GRIP1: variants seen among roughly 807,000 people sequenced by gnomAD.
GRIP1 encodes glutamate receptor interacting protein 1.
GRIP1 carries 45 observed loss-of-function variants against 129.9 expected under a neutral mutation model. The ratio of observed to expected loss-of-function variants is 0.35; its 90% CI spans 0.27 to 0.44. GRIP1 has a LOEUF of 0.44. GRIP1 is among the 20% of genes least tolerant of loss of function. The pLI is 1.00. For missense variants in GRIP1, 1,196 were observed against 1,396.8 expected (o/e 0.86, Z 2.29); for synonymous variants, 530 against 520.8 (o/e 1.02, Z -0.24).
At chr12:67,051,041 G>C (rs548157698) in intron 1 of GRIP1, among the ~76,000 whole-genome samples, 1 of 152,134 alleles carries the variant, frequency 6.6e-6, no homozygotes, top group Non-Finnish European at 1.5e-5. Context: ...AAAGAACAAC[G>C]GAGGAGAGAC....
Position 66,874,688 on chromosome 12 carries a change from A to T in GRIP1, c.58+194362T>A, listed in dbSNP as rs180861943. On this transcript the variant is annotated intron_variant, in intron 1 of 1. Transcript: ENST00000643019. ...GTGCTACACATTTTTAAACAACCAG[A>T]TGTTGTGATAATTCACTCACTCACT... is the stretch of plus-strand genomic sequence containing the variant. Among the ~76,000 whole-genome samples, 101 of 152,062 alleles carry T rather than the reference A, an allele frequency of 6.6e-4. 2 individuals carry two copies. Among genetic ancestry groups the T allele is most frequent in the African/African-American group, 2.2e-3 (91 of 41,490 alleles).
At chr12:66,878,879 GAAC>G (rs1332626843) in intron 1 of GRIP1, among the ~76,000 whole-genome samples, 1 of 151,960 alleles carries the variant, frequency 6.6e-6, no homozygotes, top group Non-Finnish European at 1.5e-5. Context: ...GGTAACATTG[GAAC>G]AACAGCTTGT....
chr12:66,915,714 T>C (rs1249519313), intron 1 of GRIP1, among the ~76,000 whole-genome samples: 2 of 152,250 alleles, frequency 1.3e-5, no homozygotes, highest in Admixed American at 1.3e-4. Flanking sequence ...GCAATGAACT[T>C]GTGAGGCCTC....
At chr12:67,037,528 T>C (rs1274978978) in intron 1 of GRIP1, 1 of 152,082 alleles carries the variant, frequency 6.6e-6, no homozygotes, top group African/African-American at 2.4e-5. Context: ...CTTTTAGATT[T>C]TGAATAAATA....
At chr12:67,019,407 A>G (rs12369132) in intron 1 of GRIP1, among the ~76,000 whole-genome samples, 18,730 of 152,214 alleles carry the variant, frequency 0.12, 1,229 homozygotes, top group African/African-American at 0.15. Context: ...GCTGGCCCTG[A>G]CTGCACAGAA....
At chr12:66,529,632 G>A (rs777022665) in intron 5 of GRIP1, among the ~76,000 whole-genome samples, 199 bp downstream of exon 5, 4 of 152,128 alleles carry the variant, frequency 2.6e-5, no homozygotes, top group African/African-American at 7.2e-5. Flanking sequence ...TTCAGGACTC[G>A]GGGAAAGGGG....
chr12:66,498,215 A>G (rs1020290361), intron 7 of GRIP1, among the ~76,000 whole-genome samples: 2 of 152,194 alleles, frequency 1.3e-5, no homozygotes, highest in African/African-American at 2.4e-5. Context: ...CTCTTCACAC[A>G]GACGCGCATG....
At chr12:66,548,000 T>A (rs1433179391) in intron 2 of GRIP1, among the ~76,000 whole-genome samples, 3 of 152,296 alleles carry the variant, frequency 2.0e-5, no homozygotes, top group East Asian at 3.9e-4. Flanking sequence ...TTTAATTTTT[T>A]AAAAAATGTC....
intron 1 of GRIP1, among the ~76,000 whole-genome samples, chr12:66,782,123 G>T (rs1272552252): frequency 6.6e-6 from 1 of 152,070 alleles, no homozygotes; most frequent in Non-Finnish European, 1.5e-5. Flanking sequence ...TCTGGATGCT[G>T]GTACATGGTT....
chr12:66,838,797 C>T (rs1470739656), intron 1 of GRIP1, among the ~76,000 whole-genome samples: 1 of 152,062 alleles, frequency 6.6e-6, no homozygotes, highest in African/African-American at 2.4e-5. Context: ...GAAAAGCCCA[C>T]CAAGTAAGAA....
At chr12:66,839,261 T>C (rs761450678) in intron 1 of GRIP1, among the ~76,000 whole-genome samples, 2 of 152,038 alleles carry the variant, frequency 1.3e-5, no homozygotes, top group African/African-American at 2.4e-5. Flanking sequence ...CAAGCAAAAT[T>C]GCCCAATCAG....
chr12:66,349,615 A>C (rs865847927), intron 24 of GRIP1, among the ~76,000 whole-genome samples: 6 of 152,190 alleles, frequency 3.9e-5, no homozygotes, highest in African/African-American at 1.4e-4. Context: ...TAAGGGTCAT[A>C]GGATGTAATC....
At chr12:66,369,957 C>T (rs990747325) in intron 23 of GRIP1, among the ~76,000 whole-genome samples, 1 of 152,166 alleles carries the variant, frequency 6.6e-6, no homozygotes, top group African/African-American at 2.4e-5. Context: ...GGTCATCATC[C>T]TAACATGTCA....
rs114986584 is a variant in GRIP1 at position 66,640,007 on chromosome 12, G to A, written c.55+38843C>T. 3.8e-3 allele frequency among the ~76,000 whole-genome samples: 579 copies of A among 152,120 alleles called. 7 individuals carry two copies. The highest frequency in any genetic ancestry group is 0.013 in the African/African-American group (535 of 41,522). On this transcript the variant is annotated intron_variant, in intron 1 of 24. Coordinates refer to ENST00000359742, the MANE Select transcript of GRIP1 (RefSeq NM_001366722.1). ...ACATACCCACACCTCTCTCTAGAAT[G>A]TCCTTCACTCCTTTCTTTCTGGCCT...
chr12:66,579,029 C>A (rs1425076684), intron 2 of GRIP1, among the ~76,000 whole-genome samples: 1 of 152,134 alleles, frequency 6.6e-6, no homozygotes, highest in African/African-American at 2.4e-5. Context: ...CAGACTGACA[C>A]CTAACACAGC....
intron 1 of GRIP1, among the ~76,000 whole-genome samples, chr12:67,016,708 G>A (rs139470017): frequency 8.1e-4 from 124 of 152,250 alleles, no homozygotes; most frequent in Admixed American, 1.8e-3. Context: ...AATTGGAGCC[G>A]TTTTTAGAAA....
intron 2 of GRIP1, among the ~76,000 whole-genome samples, chr12:66,555,424 G>T (rs1565857595): frequency 6.6e-6 from 1 of 152,112 alleles, no homozygotes; most frequent in Non-Finnish European, 1.5e-5. Context: ...TCAAATACCT[G>T]CAGAGCTCTC....
At chr12:66,797,408 G>C (rs1192521812) in intron 1 of GRIP1, among the ~76,000 whole-genome samples, 1 of 152,096 alleles carries the variant, frequency 6.6e-6, no homozygotes, top group Non-Finnish European at 1.5e-5. Flanking sequence ...ACCTGCCAGT[G>C]ATTCCTCTCT....
intron 19 of GRIP1, among the ~76,000 whole-genome samples, chr12:66,391,388 T>A (rs563589060): frequency 6.6e-6 from 1 of 152,260 alleles, no homozygotes; most frequent in Non-Finnish European, 1.5e-5. Flanking sequence ...AAATATTTTT[T>A]AAAAGAAGCT....
Sources: gnomAD v4.1 joint callset for allele counts (sites outside exome capture counted in the v4.1 genomes callset) on GRCh38, gnomAD v4.1.1 for gene constraint, MANE v1.5 for transcripts, NCBI Gene and HGNC (gene_info 2026-07-23, HGNC 2026-07-21) for gene names.